The following CSMD1 variants were observed in gnomAD, a reference collection of about 807,000 sequenced individuals.
The protein encoded by CSMD1 is CUB and sushi domain-containing protein 1.
In CSMD1, 213 loss-of-function variants were observed where a neutral mutation model predicts 417.5. The ratio of observed to expected loss-of-function variants is 0.51; its 90% CI spans 0.46 to 0.57. The LOEUF (loss-of-function observed/expected upper bound fraction) is 0.57. Ranked by LOEUF, CSMD1 falls within the 20% of genes least tolerant of loss-of-function variation. The pLI, the probability that CSMD1 is intolerant of heterozygous loss-of-function variation, is 0.00. For synonymous variants in CSMD1, 2,862 were observed against 1,736.8 expected (o/e 1.65, Z -16.11); for missense variants, 6,923 against 4,529.7 (o/e 1.53, Z -15.17).
chr8:3,145,255 G>T (rs1331790462), intron 40 of CSMD1, among the ~76,000 whole-genome samples: 2 of 152,170 alleles, frequency 1.3e-5, no homozygotes, highest in Non-Finnish European at 2.9e-5. Flanking sequence ...CAGAGTACCA[G>T]ACAGAAGGAA....
At chr8:4,190,656 A>T (rs80008514) in intron 3 of CSMD1, among the ~76,000 whole-genome samples, 5,237 of 152,128 alleles carry the variant, frequency 0.034, 313 homozygotes, top group African/African-American at 0.12. Context: ...ATGAGACTGA[A>T]ATCTTTGACT....
At chr8:4,127,453 GAAAAAAAAAAAAAAAAAAAA>G (rs199764792) in intron 3 of CSMD1, among the ~76,000 whole-genome samples, 2 of 102,726 alleles carry the variant, frequency 1.9e-5, no homozygotes, top group Admixed American at 2.2e-4. Context: ...AAGCATTAAT[GAAAAAAAAAAAAAAAAAAAA>G]AAAAAAGAAA....
chr8:3,853,211 G>A (rs993742227), intron 5 of CSMD1, among the ~76,000 whole-genome samples: 2 of 152,146 alleles, frequency 1.3e-5, no homozygotes, highest in African/African-American at 4.8e-5. Flanking sequence ...CATGTTTTCA[G>A]TCTTCTTTGT....
At chr8:4,454,970 T>A (rs1799380656) in intron 2 of CSMD1, among the ~76,000 whole-genome samples, 1 of 152,178 alleles carries the variant, frequency 6.6e-6, no homozygotes, top group African/African-American at 2.4e-5. Flanking sequence ...TTCATGGACC[T>A]GGGATGGCAG....
intron 5 of CSMD1, among the ~76,000 whole-genome samples, chr8:3,784,144 C>T (rs903453705): frequency 2.0e-5 from 3 of 152,202 alleles, no homozygotes; most frequent in African/African-American, 7.2e-5. Flanking sequence ...CTCTCTTTCT[C>T]TCTCTCATGC....
At chr8:3,942,942 C>A (rs1268167172) in intron 5 of CSMD1, among the ~76,000 whole-genome samples, 1 of 152,014 alleles carries the variant, frequency 6.6e-6, no homozygotes, top group Admixed American at 6.6e-5. Flanking sequence ...ACTGGCACGA[C>A]AACACAGTGA....
At chr8:4,028,703 T>A (rs1339975319) in intron 4 of CSMD1, among the ~76,000 whole-genome samples, 1 of 152,216 alleles carries the variant, frequency 6.6e-6, no homozygotes, top group Non-Finnish European at 1.5e-5. Context: ...ATTAAAACTC[T>A]ATTTCTTTAC....
At chr8:4,359,394 T>A (rs759092909) in intron 3 of CSMD1, among the ~76,000 whole-genome samples, 19 of 152,224 alleles carry the variant, frequency 1.2e-4, no homozygotes, top group Non-Finnish European at 2.4e-4. Flanking sequence ...AAACTCACAA[T>A]AACATATTAA....
At chr8:4,914,421 C>CA (rs535716141) in intron 1 of CSMD1, among the ~76,000 whole-genome samples, 3 of 151,432 alleles carry the variant, frequency 2.0e-5, no homozygotes, top group Non-Finnish European at 4.4e-5. Context: ...CTAAAAAATA[C>CA]AAAAAAATTA....
intron 7 of CSMD1, among the ~76,000 whole-genome samples, chr8:3,666,351 C>T (rs576246904): frequency 1.6e-4 from 24 of 152,120 alleles, no homozygotes; most frequent in African/African-American, 5.5e-4. Flanking sequence ...AACGCCTGTC[C>T]GTTTAAAATG....
In CSMD1 at chr8:3,287,256, T is replaced by G. The variant is rs1315263512; in HGVS notation, c.3951-2910A>C. On this transcript the variant is annotated intron_variant, in intron 25 of 69. Transcript: ENST00000635120. ...AGGGTGATGCCTCCAGCTTTGTTCT[T>G]TTGGCTTAGGATTGACTTGGTGATT... is the stretch of plus-strand genomic sequence containing the variant. Among the ~76,000 whole-genome samples, 9 of 151,366 alleles carry G rather than the reference T, an allele frequency of 5.9e-5. No individual in the cohort carries two copies. The East Asian group carries it at 1.8e-3, about 29-fold the overall frequency.
chr8:3,574,504 C>T (rs545009348), intron 10 of CSMD1, among the ~76,000 whole-genome samples: 1 of 152,270 alleles, frequency 6.6e-6, no homozygotes, highest in South Asian at 2.1e-4. Context: ...ACTTTGGCCT[C>T]CCAAAGTGCT....
At chr8:4,021,272 G>T (rs2554587) in intron 4 of CSMD1, among the ~76,000 whole-genome samples, 31,629 of 152,108 alleles carry the variant, frequency 0.21, 4,094 homozygotes, top group South Asian at 0.3. Context: ...CATTAATTCT[G>T]CATTAAAATT....
intron 2 of CSMD1, among the ~76,000 whole-genome samples, chr8:4,604,184 T>A (rs1800744344): frequency 1.3e-5 from 2 of 152,062 alleles, no homozygotes; most frequent in Non-Finnish European, 2.9e-5. Context: ...CCTCACATAA[T>A]CGGAAAGTTA....
chr8:3,645,946 G>C (rs1347884981), intron 7 of CSMD1, among the ~76,000 whole-genome samples: 2 of 151,482 alleles, frequency 1.3e-5, no homozygotes, highest in African/African-American at 2.4e-5. Context: ...ATTATCAACA[G>C]TATCATAAAA....
At chr8:3,117,287 G>A (rs1816931317) in intron 42 of CSMD1, among the ~76,000 whole-genome samples, 1 of 152,084 alleles carries the variant, frequency 6.6e-6, no homozygotes, top group African/African-American at 2.4e-5. Context: ...TAGCCAGGAT[G>A]GTCTTGATCT....
chr8:4,550,120 C>G (rs562520360), intron 2 of CSMD1, among the ~76,000 whole-genome samples: 1 of 151,842 alleles, frequency 6.6e-6, no homozygotes, highest in African/African-American at 2.4e-5. Context: ...GACTTTTCCC[C>G]AGTTCTCCTT....
At chr8:4,174,770 A>AGGGGGAGGGGGGGGGGGG (rs1563224086) in intron 3 of CSMD1, among the ~76,000 whole-genome samples, 1 of 3,766 alleles carries the variant, frequency 2.7e-4, no homozygotes, top group Non-Finnish European at 6.6e-4. Flanking sequence ...GGGGGAGGGG[A>AGGGGGAGGGGGGGGGGGG]GGGAGAGAGA....
intron 1 of CSMD1, among the ~76,000 whole-genome samples, chr8:4,766,602 T>A (rs537435218): frequency 1.1e-4 from 16 of 152,200 alleles, no homozygotes; most frequent in Non-Finnish European, 2.1e-4. Context: ...ATTTATTGCG[T>A]GTTTACTGAA....
Sources: gnomAD v4.1 joint callset for allele counts (sites outside exome capture counted in the v4.1 genomes callset) on GRCh38, gnomAD v4.1.1 for gene constraint, MANE v1.5 for transcripts, NCBI Gene and HGNC (gene_info 2026-07-23, HGNC 2026-07-21) for gene names.